Variants in PRKN observed in about 807,000 individuals in gnomAD.
The protein encoded by PRKN is parkin RBR E3 ubiquitin protein ligase.
In PRKN, 56 loss-of-function variants were observed where a neutral mutation model predicts 59.5. That is an observed-to-expected ratio of 0.94 (90% CI 0.76 to 1.18). The LOEUF (loss-of-function observed/expected upper bound fraction) is 1.18. Among genes scored for constraint, PRKN ranks in the 50% most tolerant of loss-of-function variants. PRKN has a pLI of 0.00. For missense variants in PRKN, 657 were observed against 596.4 expected (o/e 1.10, Z -1.06); for synonymous variants, 250 against 222.1 (o/e 1.13, Z -1.12).
intron 1 of PRKN, among the ~76,000 whole-genome samples, chr6:162,516,009 G>C (rs1178380309): frequency 1.3e-5 from 2 of 152,212 alleles, no homozygotes. Flanking sequence ...CTTAGCAGTG[G>C]AGGGTGTTTC....
At chr6:161,862,698 G>A (rs1290779252) in intron 6 of PRKN, among the ~76,000 whole-genome samples, 1 of 152,120 alleles carries the variant, frequency 6.6e-6, no homozygotes. Context: ...CAAATGGGAG[G>A]TTTGTCCCTT....
At chr6:161,587,459 G>A (rs1717677853) in intron 7 of PRKN, among the ~76,000 whole-genome samples, 1 of 152,052 alleles carries the variant, frequency 6.6e-6, no homozygotes, top group Admixed American at 6.5e-5. Context: ...GATCTTTTCA[G>A]AAACAAAAAA....
chr6:162,220,474 C>T (rs149805754), intron 3 of PRKN, among the ~76,000 whole-genome samples: 1 of 152,142 alleles, frequency 6.6e-6, no homozygotes, highest in African/African-American at 2.4e-5. Flanking sequence ...TCAACATAAA[C>T]GTAAAAGAGT....
At chr6:162,498,772 T>C (rs1164521390) in intron 1 of PRKN, among the ~76,000 whole-genome samples, 3 of 151,934 alleles carry the variant, frequency 2.0e-5, no homozygotes, top group Admixed American at 6.6e-5. Flanking sequence ...CATGTAATAA[T>C]GTGTATATGA....
chr6:161,461,052 C>T lies in PRKN; in HGVS notation c.1084-74175G>A, dbSNP rs182642179. On this transcript the variant is annotated intron_variant, in intron 9 of 11. Coordinates refer to ENST00000366898, the MANE Select transcript of PRKN (RefSeq NM_004562.3). The surrounding 1 kb of genome is among the most constrained non-coding windows in gnomAD (Gnocchi z 5.1). The stretch of plus-strand genomic sequence containing the variant: ...GACTACAGGTGTGAGCCACCATGCC[C>T]GGTCCAAGAGTCATCTTTATCATAA... 7.2e-5 allele frequency among the ~76,000 whole-genome samples: 11 copies of T among 152,160 alleles called. No individual in the cohort carries two copies. The highest frequency in any genetic ancestry group is 9.6e-5 in the African/African-American group (4 of 41,506).
At chr6:162,146,749 C>T (rs957907874) in intron 4 of PRKN, among the ~76,000 whole-genome samples, 7 of 152,026 alleles carry the variant, frequency 4.6e-5, no homozygotes, top group Non-Finnish European at 1.0e-4. Context: ...AGGTGATCCG[C>T]CCACCTTGGC....
intron 1 of PRKN, among the ~76,000 whole-genome samples, chr6:162,448,325 C>A (rs1207331330): frequency 6.6e-6 from 1 of 152,146 alleles, no homozygotes; most frequent in East Asian, 1.9e-4. Flanking sequence ...TGTCCTCACA[C>A]CCTCCTGCGA....
rs1307281277 is a variant in PRKN at position 161,548,832 on chromosome 6, C to T, written c.1083+22G>A. 1 of 1,610,998 alleles carries T rather than the reference C, an allele frequency of 6.2e-7. No individual in the cohort carries two copies. Among genetic ancestry groups the T allele is most frequent in the East Asian group, 2.2e-5 (1 of 44,864 alleles). Reference sequence around the variant, plus strand: ...AAACAAGGACAGGAACACACCGCTCCAGGGGTGTGGGCAGTACTCACCCCA... The same window carrying T: ...AAACAAGGACAGGAACACACCGCTCTAGGGGTGTGGGCAGTACTCACCCCA... On this transcript the variant is annotated intron_variant, in intron 9 of 11. Transcript: ENST00000366898. This position sits in a 1 kb window ranked among gnomAD's most constrained non-coding sequence, Gnocchi z 4.2.
chr6:161,810,243 CCATCTG>C (rs1290741077), intron 6 of PRKN, among the ~76,000 whole-genome samples: 1 of 152,186 alleles, frequency 6.6e-6, no homozygotes, highest in Non-Finnish European at 1.5e-5. Flanking sequence ...GAGAAGACAG[CCATCTG>C]CAAGCGAGGA....
intron 2 of PRKN, among the ~76,000 whole-genome samples, chr6:162,439,473 G>C (rs1789948268): frequency 6.6e-6 from 1 of 151,900 alleles, no homozygotes; most frequent in South Asian, 2.1e-4. Flanking sequence ...AGGTAACGTA[G>C]CAAAAAGAAA....
In PRKN at chr6:162,696,717, T is replaced by A. The variant is rs1237036690; in HGVS notation, c.7+30945A>T. Among the ~76,000 whole-genome samples, 4 of 151,640 alleles carry A rather than the reference T, an allele frequency of 2.6e-5. No homozygotes were observed. In the East Asian group the frequency reaches 7.8e-4, roughly 30 times the overall value. ...TGCCACCATGCCCAGCTAATTTTTT[T>A]AAATCTTTTGTAGAGATGGGGTCTT... is the stretch of plus-strand genomic sequence containing the variant. On this transcript the variant is annotated intron_variant, in intron 1 of 11. Transcript: ENST00000366898.
chr6:161,984,459 T>C (rs1781363004), intron 5 of PRKN, among the ~76,000 whole-genome samples: 1 of 152,124 alleles, frequency 6.6e-6, no homozygotes, highest in South Asian at 2.1e-4. Context: ...GGTTTTGCCA[T>C]GTTGGCCAGG....
At chr6:161,493,444 C>G (rs1777630451) in intron 9 of PRKN, among the ~76,000 whole-genome samples, 1 of 152,184 alleles carries the variant, frequency 6.6e-6, no homozygotes. Context: ...CTCAGAAAGT[C>G]TGGTTCCAGA....
rs1470533039 is a variant in PRKN at position 162,056,384 on chromosome 6, T to C, written c.535-2210A>G. Among the ~76,000 whole-genome samples the C allele has an allele frequency of 6.6e-6, 1 of 151,678 alleles. No homozygotes were observed. The highest frequency in any genetic ancestry group is 2.4e-5 in the African/African-American group (1 of 41,274). On this transcript the variant is annotated intron_variant, in intron 4 of 11. Transcript: ENST00000366898. The surrounding 1 kb of genome is among the most constrained non-coding windows in gnomAD (Gnocchi z 4.9). The stretch of plus-strand genomic sequence containing the variant: ...CTACATACACTCACACACTCATGCA[T>C]GCACACACGCACTATTCTAGAGAAA...
intron 1 of PRKN, chr6:162,727,296 A>AGGGGCGGCGGCGGGGCGAAGGTGT: frequency 3.1e-6 from 1 of 324,798 alleles, no homozygotes; most frequent in Non-Finnish European, 5.6e-6. Flanking sequence ...GGCGAAGGTG[A>AGGGGCGGCGGCGGGGCGAAGGTGT]GGGGCGGCGG....
At chr6:161,930,259 T>C (rs551499042) in intron 6 of PRKN, among the ~76,000 whole-genome samples, 1 of 152,312 alleles carries the variant, frequency 6.6e-6, no homozygotes, top group South Asian at 2.1e-4. Flanking sequence ...CTAAAAAAAT[T>C]TATAAGTTAA....
intron 1 of PRKN, among the ~76,000 whole-genome samples, chr6:162,725,164 C>G (rs1779090606): frequency 6.6e-6 from 1 of 152,206 alleles, no homozygotes; most frequent in African/African-American, 2.4e-5. Context: ...AACCTGAGGT[C>G]TCCCTCATAC....
intron 1 of PRKN, among the ~76,000 whole-genome samples, chr6:162,444,228 C>G (rs1790199112): frequency 6.6e-6 from 1 of 152,046 alleles, no homozygotes; most frequent in Non-Finnish European, 1.5e-5. Flanking sequence ...TGAAGTCACG[C>G]TCTCATCACA....
intron 6 of PRKN, among the ~76,000 whole-genome samples, chr6:161,787,462 C>T (rs1182868692): frequency 6.6e-6 from 1 of 152,182 alleles, no homozygotes; most frequent in Non-Finnish European, 1.5e-5. Context: ...ATACTTTTTT[C>T]ACTTTGCGAC....
Sources: allele counts gnomAD v4.1 joint callset (sites outside exome capture counted in the v4.1 genomes callset), GRCh38; gene constraint gnomAD v4.1.1; non-coding constraint Gnocchi (gnomAD v3.1); transcripts MANE v1.5; gene names NCBI Gene and HGNC (gene_info 2026-07-23, HGNC 2026-07-21).